PALS2: variants seen among roughly 807,000 people sequenced by gnomAD.
The protein encoded by PALS2 is protein associated with LIN7 2, MAGUK p55 family member, also known as protein PALS2.
A neutral mutation model predicts 61.6 loss-of-function variants in PALS2; 27 were observed. That is an observed-to-expected ratio of 0.44 (90% CI 0.32 to 0.60). PALS2 has a LOEUF of 0.60. PALS2 is among the 20% of genes least tolerant of loss of function. The pLI, the probability that PALS2 is intolerant of heterozygous loss-of-function variation, is 0.05. For missense variants in PALS2, 554 were observed against 639.4 expected, an observed-to-expected ratio of 0.87 and a Z score of 1.44; for synonymous variants, 236 against 218.6, an observed-to-expected ratio of 1.08 and a Z score of -0.70.
chr7:24,660,980 T>C lies in PALS2; in HGVS notation c.652-2610T>C, dbSNP rs1278250924. The stretch of plus-strand genomic sequence containing the variant: ...GAGTGAGGTTGTTGAACATCTCCTA[T>C]GCTTAAAAGCCATTTGTACTTCCTT... On this transcript the variant is annotated intron_variant, in intron 5 of 11. Coordinates refer to ENST00000222644, the MANE Select transcript of PALS2 (RefSeq NM_001303037.2). Among the ~76,000 whole-genome samples, 6 of 152,358 alleles carry C rather than the reference T, an allele frequency of 3.9e-5. No individual in the cohort carries two copies. The East Asian group carries it at 9.6e-4, about 24-fold the overall frequency.
chr7:24,582,539 T>G (rs1248356441), intron 1 of PALS2, among the ~76,000 whole-genome samples: 3 of 151,432 alleles, frequency 2.0e-5, no homozygotes, highest in African/African-American at 7.3e-5. Context: ...AAAGAAACAT[T>G]GATTTTTTTT....
intron 2 of PALS2, among the ~76,000 whole-genome samples, chr7:24,633,530 C>T (rs2128064738): frequency 7.0e-6 from 1 of 142,694 alleles, no homozygotes; most frequent in South Asian, 2.3e-4. Context: ...ATATAATATA[C>T]CTAGACTTAG....
At chr7:24,661,485 T>C (rs1786718146) in intron 5 of PALS2, among the ~76,000 whole-genome samples, 1 of 152,190 alleles carries the variant, frequency 6.6e-6, no homozygotes, top group Admixed American at 6.5e-5. Flanking sequence ...GCTTTATGGT[T>C]ACAAAATATA....
At chr7:24,597,351 T>G (rs1234643113) in intron 1 of PALS2, among the ~76,000 whole-genome samples, 1 of 152,164 alleles carries the variant, frequency 6.6e-6, no homozygotes, top group Non-Finnish European at 1.5e-5. Flanking sequence ...TGTGACTGGT[T>G]TGTCAGTTGT....
At chr7:24,640,586 C>T (rs1433245226) in intron 2 of PALS2, among the ~76,000 whole-genome samples, 1 of 152,138 alleles carries the variant, frequency 6.6e-6, no homozygotes, top group Non-Finnish European at 1.5e-5. Flanking sequence ...TTACGCTTTT[C>T]CTGTCTTCAG....
At chr7:24,675,363 T>G (rs1470022874) in intron 9 of PALS2, among the ~76,000 whole-genome samples, 2 of 150,400 alleles carry the variant, frequency 1.3e-5, no homozygotes, top group Non-Finnish European at 2.9e-5. Flanking sequence ...GTTTTTTTAT[T>G]TTTTTATTTT....
At chr7:24,590,181 G>A (rs1437878093) in intron 1 of PALS2, among the ~76,000 whole-genome samples, 1 of 152,162 alleles carries the variant, frequency 6.6e-6, no homozygotes, top group Non-Finnish European at 1.5e-5. Flanking sequence ...GTCCACTTGG[G>A]AGGAACTGTG....
chr7:24,661,341 A>T (rs1046376863), intron 5 of PALS2, among the ~76,000 whole-genome samples: 7 of 140,534 alleles, frequency 5.0e-5, no homozygotes, highest in African/African-American at 1.7e-4. Context: ...GAAAAAAAAA[A>T]AATAAATTGT....
chr7:24,649,174 C>G (rs1479480096), intron 3 of PALS2, among the ~76,000 whole-genome samples: 1 of 151,912 alleles, frequency 6.6e-6, no homozygotes, highest in Non-Finnish European at 1.5e-5. Flanking sequence ...AAAAGTATAT[C>G]ATATTACTAA....
chr7:24,619,128 G>T (rs764148462), intron 1 of PALS2, among the ~76,000 whole-genome samples: 77 of 152,012 alleles, frequency 5.1e-4, no homozygotes, highest in Non-Finnish European at 9.1e-4. Context: ...TTGGTCTTTC[G>T]TGATCCATAA....
At position 24,691,618 on chromosome 7, in the gene PALS2, G is replaced by A. The variant is rs919620555; in HGVS notation, c.*4004G>A. 2 of 151,386 alleles carry A rather than the reference G, an allele frequency of 1.3e-5. No homozygotes were observed. Among genetic ancestry groups the A allele is most frequent in the African/African-American group, 4.8e-5 (2 of 41,268 alleles). 9.4% of individuals were successfully genotyped at this position (151,386 alleles called of 1,614,324 possible). A position where few individuals can be genotyped will look rare whatever the true frequency, so the allele number is the denominator to read the frequency against. ...AACGCTCTGGTTCCACCTTGAAGCT[G>A]ATAATCTTTCTGAAAAATATATGAG... On this transcript the variant is annotated 3_prime_UTR_variant, in exon 12 of 12. Transcript: ENST00000222644.
Position 24,618,063 on chromosome 7 carries a change from T to C in PALS2, c.-2-5603T>C, listed in dbSNP as rs1375797343. Among the ~76,000 whole-genome samples the C allele has an allele frequency of 6.6e-6, 1 of 152,124 alleles. No homozygotes were observed. Among genetic ancestry groups the C allele is most frequent in the Non-Finnish European group, 1.5e-5 (1 of 68,018 alleles). On this transcript the variant is annotated intron_variant, in intron 1 of 11. Coordinates refer to ENST00000222644, the MANE Select transcript of PALS2 (RefSeq NM_001303037.2). This position sits in a 1 kb window ranked among gnomAD's most constrained non-coding sequence, Gnocchi z 5.1. Reference sequence around the variant, plus strand: ...CTCCTGGAGTATCTTAGGGTGTAGGTGCCAATGTGGAGCCAGTTCAAGGAC... The same window carrying C: ...CTCCTGGAGTATCTTAGGGTGTAGGCGCCAATGTGGAGCCAGTTCAAGGAC...
intron 5 of PALS2, among the ~76,000 whole-genome samples, chr7:24,655,565 G>A (rs1434102697): frequency 2.0e-5 from 3 of 151,070 alleles, no homozygotes; most frequent in East Asian, 1.9e-4. Flanking sequence ...GTCCTTGCAC[G>A]AACCAGTGAT....
intron 3 of PALS2, among the ~76,000 whole-genome samples, chr7:24,642,480 A>C (rs1234589305): frequency 6.6e-6 from 1 of 152,172 alleles, no homozygotes; most frequent in East Asian, 1.9e-4. Context: ...GGTGTTAGAA[A>C]AATTAACTCA....
chr7:24,647,948 A>C (rs576314101), intron 3 of PALS2, among the ~76,000 whole-genome samples: 6 of 152,238 alleles, frequency 3.9e-5, no homozygotes, highest in Admixed American at 6.5e-5. Context: ...TTGTCAATGC[A>C]TAAGTAGTGG....
intron 5 of PALS2, among the ~76,000 whole-genome samples, chr7:24,663,068 A>G (rs759317604): frequency 1.3e-5 from 2 of 152,078 alleles, no homozygotes; most frequent in East Asian, 1.9e-4. Flanking sequence ...TAAGATGAGC[A>G]TATAAATCAG....
intron 1 of PALS2, among the ~76,000 whole-genome samples, chr7:24,620,406 T>A (rs1784450129): frequency 6.6e-6 from 1 of 152,226 alleles, no homozygotes; most frequent in African/African-American, 2.4e-5. Context: ...TGAGAATGAT[T>A]GACAGCATTA....
rs191813770 is a variant in PALS2, at chr7:24,691,079, T to C, written c.*3465T>C. Reference sequence around the variant, plus strand: ...AATTATTAAATGGTACTTATTTTTATGTATAACAAGTGTCATGATCCCAGT... The same window carrying C: ...AATTATTAAATGGTACTTATTTTTACGTATAACAAGTGTCATGATCCCAGT... On this transcript the variant is annotated 3_prime_UTR_variant, in exon 12 of 12. Transcript: ENST00000222644. 8.6e-4 allele frequency: 131 copies of C among 152,238 alleles called. 2 individuals are homozygous for C. The highest frequency in any genetic ancestry group is 3.0e-3 in the African/African-American group (125 of 41,564). 9.4% of individuals were successfully genotyped at this position (152,238 alleles called of 1,614,324 possible).
At chr7:24,581,001 A>G (rs976119121) in intron 1 of PALS2, among the ~76,000 whole-genome samples, 3 of 152,178 alleles carry the variant, frequency 2.0e-5, no homozygotes, top group Non-Finnish European at 2.9e-5. Context: ...CCACAGACTT[A>G]GTGGCTTATA....
Sources: allele counts gnomAD v4.1 joint callset (sites outside exome capture counted in the v4.1 genomes callset), GRCh38; gene constraint gnomAD v4.1.1; non-coding constraint Gnocchi (gnomAD v3.1); transcripts MANE v1.5; gene names NCBI Gene and HGNC (gene_info 2026-07-23, HGNC 2026-07-21).